ATP1B1: variants seen among roughly 807,000 people sequenced by gnomAD.
ATP1B1 encodes ATPase Na+/K+ transporting subunit beta 1.
ATP1B1 carries 3 observed loss-of-function variants against 39.6 expected under a neutral mutation model. That is an observed-to-expected ratio of 0.08 (90% CI 0.03 to 0.20). The LOEUF (loss-of-function observed/expected upper bound fraction) is 0.20. Ranked by LOEUF, ATP1B1 falls within the 10% of genes least tolerant of loss-of-function variation. The pLI is 1.00. For synonymous variants in ATP1B1, 139 were observed against 135.0 expected (o/e 1.03, Z -0.20); for missense variants, 216 against 371.1 (o/e 0.58, Z 3.43).
chr1:169,107,227 A>G (rs2101769793), intron 1 of ATP1B1, among the ~76,000 whole-genome samples: 1 of 151,196 alleles, frequency 6.6e-6, no homozygotes, highest in Middle Eastern at 3.4e-3. Context: ...TGAGCCTTTT[A>G]CTCCTGGGAA....
intron 3 of ATP1B1, 150 bp downstream of exon 3, chr1:169,125,189 A>G: frequency 9.4e-7 from 1 of 1,064,034 alleles, no homozygotes; most frequent in South Asian, 1.8e-5. Context: ...TTTTTAAAAA[A>G]AGCAGGAAGA....
chr1:169,115,549 A>G (rs950066063), intron 2 of ATP1B1, among the ~76,000 whole-genome samples: 7 of 151,926 alleles, frequency 4.6e-5, no homozygotes, highest in Non-Finnish European at 1.0e-4. Flanking sequence ...GGGTTTCACC[A>G]TATTGGTCAG....
intron 2 of ATP1B1, among the ~76,000 whole-genome samples, chr1:169,123,709 C>G (rs1184492049): frequency 1.3e-5 from 2 of 151,762 alleles, no homozygotes; most frequent in African/African-American, 4.8e-5. Context: ...TCACTGCAAC[C>G]TCCGCCTCCC....
At chr1:169,128,638 A>C (rs2101793262) in intron 4 of ATP1B1, among the ~76,000 whole-genome samples, 2 of 152,342 alleles carry the variant, frequency 1.3e-5, no homozygotes, top group Middle Eastern at 3.4e-3. Flanking sequence ...TTTGATATTC[A>C]TATTGCTGGG....
intron 4 of ATP1B1, 149 bp downstream of exon 4, chr1:169,127,557 T>A: frequency 1.3e-6 from 1 of 766,664 alleles, no homozygotes. Flanking sequence ...AACTTCTGTA[T>A]CCACCCTGCA....
chr1:169,130,215 G>A, intron 5 of ATP1B1, 125 bp downstream of exon 5: 2 of 819,212 alleles, frequency 2.4e-6, no homozygotes, highest in Non-Finnish European at 3.8e-6. Context: ...TTGCTTTCAA[G>A]TATAAGTCTC....
At position 169,117,155 on chromosome 1, in the gene ATP1B1, A is replaced by G. The variant is rs1023887122; in HGVS notation, c.226+5657A>G. Among the ~76,000 whole-genome samples the G allele has an allele frequency of 5.3e-5, 8 of 152,292 alleles. No individual in the cohort carries two copies. The South Asian group carries it at 1.7e-3, about 32-fold the overall frequency. On this transcript the variant is annotated intron_variant, in intron 2 of 5. Transcript: ENST00000367815. Reference sequence around the variant, plus strand: ...ACACTGCTTTGTAATCTCTCAGCTGACGCGATGTATCTGTATACACCCAGC... The same window carrying G: ...ACACTGCTTTGTAATCTCTCAGCTGGCGCGATGTATCTGTATACACCCAGC...
At chr1:169,110,711 T>C in intron 1 of ATP1B1, 1 of 1,273,698 alleles carries the variant, frequency 7.9e-7, no homozygotes, top group South Asian at 1.3e-5. Context: ...AATGTGCTGG[T>C]CATTTTCACT....
At chr1:169,106,979 G>T (rs1368421506) in intron 1 of ATP1B1, 53 bp downstream of exon 1, 1 of 1,504,708 alleles carries the variant, frequency 6.6e-7, no homozygotes, top group Non-Finnish European at 9.0e-7. Context: ...TTCCCGGGCG[G>T]CGCATCCCCT....
intron 2 of ATP1B1, among the ~76,000 whole-genome samples, chr1:169,119,686 C>G (rs771071350): frequency 3.9e-5 from 6 of 152,122 alleles, no homozygotes; most frequent in Admixed American, 2.0e-4. Flanking sequence ...AATGCAGATG[C>G]TCTTCGATTT....
At chr1:169,119,063 TC>T (rs1309852443) in intron 2 of ATP1B1, among the ~76,000 whole-genome samples, 3 of 152,218 alleles carry the variant, frequency 2.0e-5, no homozygotes, top group Non-Finnish European at 4.4e-5. Context: ...TCAAGCCTTT[TC>T]CCCCTTGTGC....
chr1:169,107,485 C>T (rs1019060960), intron 1 of ATP1B1, among the ~76,000 whole-genome samples: 2 of 152,166 alleles, frequency 1.3e-5, no homozygotes, highest in Non-Finnish European at 2.9e-5. Context: ...CCATGACCTC[C>T]CCTGGAGTCA....
chr1:169,118,021 ATTTG>A (rs1236408427), intron 2 of ATP1B1, among the ~76,000 whole-genome samples: 51 of 152,274 alleles, frequency 3.3e-4, no homozygotes, highest in African/African-American at 1.2e-3. Context: ...GGATTTATCT[ATTTG>A]TTTATGTTAT....
chr1:169,110,426 T>C (rs1200136), intron 1 of ATP1B1, among the ~76,000 whole-genome samples: 102,469 of 151,754 alleles, frequency 0.68, 34,940 homozygotes, highest in East Asian at 0.89. Context: ...TTCCCTGTTT[T>C]GCATTCACAT....
intron 1 of ATP1B1, among the ~76,000 whole-genome samples, chr1:169,109,644 C>T (rs529670575): frequency 2.6e-5 from 4 of 152,254 alleles, no homozygotes; most frequent in East Asian, 3.9e-4. Flanking sequence ...GTATTTTAAA[C>T]TGTAGCCTCA....
At chr1:169,114,766 G>A (rs1157360788) in intron 2 of ATP1B1, among the ~76,000 whole-genome samples, 1 of 152,148 alleles carries the variant, frequency 6.6e-6, no homozygotes, top group Admixed American at 6.6e-5. Context: ...GCTCATGCCT[G>A]TAATCCCAGC....
Position 169,132,260 on chromosome 1 carries a change from C to CA in ATP1B1, c.*706dup. 2 of 604,382 alleles carry CA rather than the reference C, an allele frequency of 3.3e-6. No individual in the cohort carries two copies. The highest frequency in any genetic ancestry group is 4.3e-5 in the South Asian group (2 of 46,592). The allele number at this position is 604,382 out of a possible 1,614,324, so 37.4% of individuals were successfully genotyped here. ...ATGCTTGTATTGAATGCTGTCTTGA[C>CA]ATCTCTTGCCTTGTCCTCCGGTATG... On this transcript the variant is annotated 3_prime_UTR_variant, in exon 6 of 6. Transcript: ENST00000367815.
intron 1 of ATP1B1, chr1:169,110,758 G>T (rs528708824): frequency 2.8e-6 from 3 of 1,077,318 alleles, no homozygotes; most frequent in East Asian, 6.0e-5. Context: ...CTTGTCCTCC[G>T]AGGGGAAAGA....
intron 1 of ATP1B1, among the ~76,000 whole-genome samples, chr1:169,108,992 C>T (rs1350864308): frequency 1.3e-5 from 2 of 152,332 alleles, no homozygotes; most frequent in East Asian, 3.9e-4. Flanking sequence ...CTGGGCCCAA[C>T]ATGGATGCCC....
Sources: allele counts gnomAD v4.1 joint callset (sites outside exome capture counted in the v4.1 genomes callset), GRCh38; gene constraint gnomAD v4.1.1; transcripts MANE v1.5; gene names NCBI Gene and HGNC (gene_info 2026-07-23, HGNC 2026-07-21).